Variants in CNTNAP2 observed in about 807,000 individuals in gnomAD.
CNTNAP2 encodes the protein contactin-associated protein-like 2.
CNTNAP2 carries 98 observed loss-of-function variants against 155.2 expected under a neutral mutation model. The observed-to-expected ratio is 0.63, with a 90% CI of 0.54 to 0.75. CNTNAP2 has a LOEUF of 0.75. CNTNAP2 is among the 30% of genes least tolerant of loss of function. The pLI, the probability that CNTNAP2 is intolerant of heterozygous loss-of-function variation, is 0.00. For missense variants in CNTNAP2, 1,727 were observed against 1,688.1 expected, an observed-to-expected ratio of 1.02 and a Z score of -0.40; for synonymous variants, 651 against 631.2, an observed-to-expected ratio of 1.03 and a Z score of -0.47.
chr7:147,175,049 G>C (rs957641788), intron 8 of CNTNAP2, among the ~76,000 whole-genome samples: 2 of 152,066 alleles, frequency 1.3e-5, no homozygotes, highest in South Asian at 4.1e-4. Flanking sequence ...AGAGAAAAAA[G>C]ACAGATAAAA....
intron 1 of CNTNAP2, among the ~76,000 whole-genome samples, chr7:146,158,812 A>C (rs1267679058): frequency 6.6e-6 from 1 of 152,196 alleles, no homozygotes; most frequent in African/African-American, 2.4e-5. Context: ...AAGTTGGAAA[A>C]CACTTCTGGA....
At position 147,977,844 on chromosome 7, in the gene CNTNAP2, T is replaced by C. The variant is rs1801456539; in HGVS notation, c.2256-18T>C. 1 of 1,613,910 alleles carries C rather than the reference T, an allele frequency of 6.2e-7. No homozygotes were observed. The highest frequency in any genetic ancestry group is 1.1e-5 in the South Asian group (1 of 91,074). Reference sequence around the variant, plus strand: ...ATGCAGCCTCCTCATTCTTTTTCTGTCTTTCCCTGTGATCCAGGAGGAAGG... The same window carrying C: ...ATGCAGCCTCCTCATTCTTTTTCTGCCTTTCCCTGTGATCCAGGAGGAAGG... On this transcript the variant is annotated intron_variant, in intron 14 of 23. Coordinates refer to ENST00000361727, the MANE Select transcript of CNTNAP2 (RefSeq NM_014141.6).
At position 146,717,869 on chromosome 7, in the gene CNTNAP2, C is replaced by T. The variant is rs145631033; in HGVS notation, c.98-56402C>T. On this transcript the variant is annotated intron_variant, in intron 1 of 23. Transcript: ENST00000361727. The stretch of plus-strand genomic sequence containing the variant: ...ATCCCTACCTTACAGATGATTCATC[C>T]GAGGCACATTTGTGTTAGCATTTTG... Among the ~76,000 whole-genome samples the T allele has an allele frequency of 2.1e-3, 320 of 151,596 alleles. 2 individuals are homozygous for T. The highest frequency in any genetic ancestry group is 5.4e-3 in the African/African-American group (225 of 41,390).
chr7:147,562,994 G>A (rs1452167934), intron 12 of CNTNAP2, among the ~76,000 whole-genome samples: 1 of 152,150 alleles, frequency 6.6e-6, no homozygotes, highest in Non-Finnish European at 1.5e-5. Context: ...AATATGATAA[G>A]GGTAATGATA....
intron 3 of CNTNAP2, among the ~76,000 whole-genome samples, chr7:146,907,029 A>C (rs1400034106): frequency 6.6e-6 from 1 of 150,790 alleles, no homozygotes; most frequent in Non-Finnish European, 1.5e-5. Context: ...AGCCGATGCG[A>C]TCAACCGGAA....
intron 10 of CNTNAP2, among the ~76,000 whole-genome samples, chr7:147,409,963 A>T (rs1363336353): frequency 6.6e-6 from 1 of 152,240 alleles, no homozygotes; most frequent in Non-Finnish European, 1.5e-5. Context: ...TGGAAATGTA[A>T]ATTAGTTCAA....
At chr7:148,337,674 T>A (rs559795673) in intron 21 of CNTNAP2, among the ~76,000 whole-genome samples, 1 of 152,330 alleles carries the variant, frequency 6.6e-6, no homozygotes, top group East Asian at 1.9e-4. Context: ...TACTCACCAC[T>A]GTGGAGAGTG....
chr7:147,932,902 A>T (rs1800531777), intron 14 of CNTNAP2, among the ~76,000 whole-genome samples: 1 of 152,188 alleles, frequency 6.6e-6, no homozygotes, highest in South Asian at 2.1e-4. Context: ...ATGAGTAAAA[A>T]ATTTGAATAG....
chr7:146,502,239 A>ATATATATATGAATATATATGTGTG (rs1563109686), intron 1 of CNTNAP2, among the ~76,000 whole-genome samples: 16 of 120,224 alleles, frequency 1.3e-4, no homozygotes, highest in South Asian at 2.5e-4. Flanking sequence ...ATATATATAT[A>ATATATATATGAATATATATGTGTG]TATATATATA....
intron 21 of CNTNAP2, among the ~76,000 whole-genome samples, chr7:148,374,081 C>T (rs1432274513): frequency 6.6e-6 from 1 of 152,216 alleles, no homozygotes; most frequent in Non-Finnish European, 1.5e-5. Flanking sequence ...TTCTCCCTCT[C>T]AGTTTCTTCG....
intron 8 of CNTNAP2, among the ~76,000 whole-genome samples, chr7:147,171,130 C>T (rs1313187798): frequency 6.6e-6 from 1 of 152,160 alleles, no homozygotes; most frequent in African/African-American, 2.4e-5. Flanking sequence ...GCTAGGATCC[C>T]AGAAGTCTGC....
intron 3 of CNTNAP2, among the ~76,000 whole-genome samples, chr7:146,928,703 G>A (rs1040423824): frequency 3.3e-5 from 5 of 152,222 alleles, no homozygotes; most frequent in African/African-American, 7.2e-5. Context: ...GGTGACAGAA[G>A]GCATCTGGAA....
intron 15 of CNTNAP2, among the ~76,000 whole-genome samples, chr7:148,003,961 T>C (rs1003523347): frequency 6.6e-6 from 1 of 152,230 alleles, no homozygotes; most frequent in Non-Finnish European, 1.5e-5. Context: ...AAATATCTAT[T>C]ACAACTCTAA....
At chr7:146,635,253 A>G (rs1160765046) in intron 1 of CNTNAP2, among the ~76,000 whole-genome samples, 2 of 152,232 alleles carry the variant, frequency 1.3e-5, no homozygotes, top group Non-Finnish European at 2.9e-5. Context: ...TTCTATGTGA[A>G]AACTTAATGG....
chr7:146,427,402 G>T (rs549110898), intron 1 of CNTNAP2, among the ~76,000 whole-genome samples: 1 of 152,290 alleles, frequency 6.6e-6, no homozygotes, highest in Admixed American at 6.5e-5. Flanking sequence ...AACTGTGGCT[G>T]TGTTTCAATA....
Position 147,334,774 on chromosome 7 carries a change from A to G in CNTNAP2, c.1498+34484A>G, listed in dbSNP as rs979104087. Among the ~76,000 whole-genome samples the G allele has an allele frequency of 6.6e-5, 10 of 152,168 alleles. 1 individual carries two copies. Among genetic ancestry groups the G allele is most frequent in the African/African-American group, 2.4e-4 (10 of 41,436 alleles). ...ACTGAATAACATGCATACCATGAAT[A>G]AGCATGTTCGTGTGTGAAAACGAGG... On this transcript the variant is annotated intron_variant, in intron 9 of 23. Transcript: ENST00000361727.
chr7:147,979,838 G>A (rs765237163), intron 15 of CNTNAP2, among the ~76,000 whole-genome samples: 9 of 151,800 alleles, frequency 5.9e-5, no homozygotes, highest in Non-Finnish European at 8.8e-5. Context: ...GGACAGACTG[G>A]TCTCGAACTC....
chr7:147,144,487 A>G (rs903721979), intron 8 of CNTNAP2, among the ~76,000 whole-genome samples: 2 of 152,210 alleles, frequency 1.3e-5, no homozygotes, highest in Admixed American at 6.5e-5. Flanking sequence ...AATATTCTAT[A>G]GGGAAATGTG....
chr7:146,412,555 C>T (rs1639499), intron 1 of CNTNAP2, among the ~76,000 whole-genome samples: 5,398 of 152,192 alleles, frequency 0.035, 332 homozygotes, highest in African/African-American at 0.12. Context: ...GCCATGTATT[C>T]ATTCTACCAC....
Sources: allele counts gnomAD v4.1 joint callset (sites outside exome capture counted in the v4.1 genomes callset), GRCh38; gene constraint gnomAD v4.1.1; transcripts MANE v1.5; gene names NCBI Gene and HGNC (gene_info 2026-07-23, HGNC 2026-07-21).